CSPP1: variants seen among roughly 807,000 people sequenced by gnomAD.
CSPP1 encodes the protein centrosome and spindle pole-associated protein 1.
Under a neutral mutation model 164.4 loss-of-function variants are expected in CSPP1, and 126 were observed. The ratio of observed to expected loss-of-function variants is 0.77; its 90% CI spans 0.66 to 0.89. CSPP1 has a LOEUF of 0.89. Among genes scored for constraint, CSPP1 ranks in the 40% least tolerant of loss-of-function variants. The pLI is 0.00. For synonymous variants in CSPP1, 472 were observed against 476.7 expected (o/e 0.99, Z 0.13); for missense variants, 1,395 against 1,449.8 (o/e 0.96, Z 0.61).
intron 28 of CSPP1, among the ~76,000 whole-genome samples, chr8:67,186,421 A>T (rs1295518872): frequency 9.4e-6 from 1 of 106,008 alleles, no homozygotes; most frequent in Non-Finnish European, 1.7e-5. Flanking sequence ...TTTAAATTAA[A>T]AAAAAAAAAA....
chr8:67,161,874 A>T lies in CSPP1; in HGVS notation c.2602A>T (p.Arg868Ter). The T allele has an allele frequency of 6.2e-7, 1 of 1,613,558 alleles. No individual in the cohort carries two copies. The highest frequency in any genetic ancestry group is 8.5e-7 in the Non-Finnish European group (1 of 1,179,596). The part of the protein sequence containing the change: ...LQNKIASKLQ[R>*]PPSVDSIIRS... The stretch of plus-strand genomic sequence containing the variant: ...GAACAAAATTGCAAGCAAACTCCAA[A>T]GACCTCCTTCAGTTGACAGCATCAT... The change falls in exon 22 of 31, where the codon AGA (arginine) becomes TGA (stop). Residue 868 changes from arginine (R) to a stop codon, truncating the protein, a stop_gained. Transcript: ENST00000678616. LOFTEE classifies it high-confidence loss of function.
At chr8:67,186,515 A>T (rs148543378) in intron 28 of CSPP1, among the ~76,000 whole-genome samples, 4 of 152,278 alleles carry the variant, frequency 2.6e-5, no homozygotes, top group Non-Finnish European at 5.9e-5. Context: ...TAACTCAGCA[A>T]ACTTGGAATA....
At chr8:67,182,753 A>T (rs1360510067) in intron 28 of CSPP1, among the ~76,000 whole-genome samples, 1 of 152,190 alleles carries the variant, frequency 6.6e-6, no homozygotes, top group Non-Finnish European at 1.5e-5. Context: ...ACATCTTTAC[A>T]TGTGCTTATT....
intron 2 of CSPP1, among the ~76,000 whole-genome samples, chr8:67,076,241 C>T (rs184035462): frequency 6.6e-6 from 1 of 152,208 alleles, no homozygotes; most frequent in East Asian, 1.9e-4. Flanking sequence ...CAATGCTTGA[C>T]AAAATGTTTG....
chr8:67,153,694 A>G (rs1000591587), intron 18 of CSPP1, among the ~76,000 whole-genome samples: 1 of 152,122 alleles, frequency 6.6e-6, no homozygotes, highest in Admixed American at 6.5e-5. Context: ...AAGAATGTAA[A>G]TATGTCCTTT....
intron 10 of CSPP1, among the ~76,000 whole-genome samples, chr8:67,113,291 G>A (rs1043861493): frequency 6.6e-5 from 10 of 152,024 alleles, no homozygotes; most frequent in Non-Finnish European, 1.5e-4. Context: ...TAGAGATCTC[G>A]TTTTGAGAGA....
chr8:67,068,857 C>T (rs112657661), intron 1 of CSPP1, among the ~76,000 whole-genome samples: 5,435 of 152,194 alleles, frequency 0.036, 200 homozygotes, highest in African/African-American at 0.082. Context: ...ACAGACAAAA[C>T]GTAAATATTG....
At chr8:67,153,242 T>C (rs755116849) in intron 18 of CSPP1, among the ~76,000 whole-genome samples, 3 of 151,734 alleles carry the variant, frequency 2.0e-5, no homozygotes, top group Non-Finnish European at 2.9e-5. Flanking sequence ...TTTAATGGTA[T>C]AAAGAATGAG....
chr8:67,188,543 T>C (rs1237893416), intron 28 of CSPP1, among the ~76,000 whole-genome samples: 1 of 152,144 alleles, frequency 6.6e-6, no homozygotes, highest in Non-Finnish European at 1.5e-5. Context: ...TGGCAACCCG[T>C]TTTGGGTCCC....
chr8:67,166,742 T>A (rs1329269820), intron 24 of CSPP1, among the ~76,000 whole-genome samples: 2 of 151,800 alleles, frequency 1.3e-5, no homozygotes, highest in East Asian at 1.9e-4. Context: ...TTTTTTTTTT[T>A]AATTGATCAT....
intron 13 of CSPP1, 105 bp downstream of exon 13, chr8:67,116,227 G>A: frequency 1.2e-6 from 1 of 803,244 alleles, no homozygotes; most frequent in Non-Finnish European, 2.0e-6. Flanking sequence ...CAGAGATTTT[G>A]TACAGTTAAC....
chr8:67,164,079 A>G (rs1828870221), intron 23 of CSPP1, among the ~76,000 whole-genome samples: 2 of 152,222 alleles, frequency 1.3e-5, no homozygotes, highest in Admixed American at 1.3e-4. Flanking sequence ...AGTTTGTGCG[A>G]CTACCACTGC....
intron 10 of CSPP1, 118 bp downstream of exon 10, chr8:67,112,183 A>G (rs905446966): frequency 4.6e-5 from 26 of 562,002 alleles, no homozygotes; most frequent in African/African-American, 4.5e-4. Flanking sequence ...TAAATCACTT[A>G]TATTTTCATC....
intron 18 of CSPP1, among the ~76,000 whole-genome samples, chr8:67,151,002 C>CT (rs1291364531): frequency 6.6e-6 from 1 of 152,074 alleles, no homozygotes; most frequent in Admixed American, 6.5e-5. Context: ...ATCATGTAGT[C>CT]TTTTTTGTTT....
chr8:67,184,366 A>T (rs1448849195), intron 28 of CSPP1, among the ~76,000 whole-genome samples: 1 of 152,236 alleles, frequency 6.6e-6, no homozygotes, highest in Non-Finnish European at 1.5e-5. Flanking sequence ...CAATGAAACC[A>T]AGAGTTATTT....
intron 21 of CSPP1, among the ~76,000 whole-genome samples, 163 bp downstream of exon 21, chr8:67,159,300 G>A (rs2129560336): frequency 6.6e-6 from 1 of 152,096 alleles, no homozygotes; most frequent in East Asian, 1.9e-4. Flanking sequence ...TTCTGTAGGA[G>A]GTACTGTCAC....
At chr8:67,105,860 A>C (rs1262290817) in intron 8 of CSPP1, 45 bp from the exon 9 acceptor site, 3 of 1,112,446 alleles carry the variant, frequency 2.7e-6, no homozygotes, top group Non-Finnish European at 4.1e-6. Flanking sequence ...CCTGAAAATT[A>C]TCTGGATTTT....
chr8:67,084,692 T>C (rs895959646), intron 3 of CSPP1, among the ~76,000 whole-genome samples: 1 of 151,114 alleles, frequency 6.6e-6, no homozygotes, highest in African/African-American at 2.4e-5. Context: ...TGTGCCATGA[T>C]CACGCCACTG....
At chr8:67,163,315 G>C (rs1288794431) in intron 22 of CSPP1, among the ~76,000 whole-genome samples, 3 of 152,198 alleles carry the variant, frequency 2.0e-5, no homozygotes, top group Admixed American at 2.0e-4. Context: ...ATGGACAGGA[G>C]ACAGTGAGCA....
Sources: allele counts gnomAD v4.1 joint callset (sites outside exome capture counted in the v4.1 genomes callset), GRCh38; gene constraint gnomAD v4.1.1; transcripts MANE v1.5; gene names NCBI Gene and HGNC (gene_info 2026-07-23, HGNC 2026-07-21).